Variants in ITGAE observed in about 807,000 individuals in gnomAD.
ITGAE encodes the protein integrin alpha-E.
In ITGAE, 99 loss-of-function variants were observed where a neutral mutation model predicts 136.5. The ratio of observed to expected loss-of-function variants is 0.73; its 90% confidence interval spans 0.62 to 0.86. ITGAE has a LOEUF of 0.86. Ranked by LOEUF, ITGAE falls within the 40% of genes least tolerant of loss-of-function variation. ITGAE has a pLI of 0.00. For synonymous variants in ITGAE, 613 were observed against 591.8 expected (o/e 1.04, Z -0.52); for missense variants, 1,447 against 1,515.3 (o/e 0.95, Z 0.75).
At position 3,757,157 on chromosome 17, in the gene ITGAE, C is replaced by T. The variant is rs113708893; in HGVS notation, c.1021-23G>A. ...CACCTGCACAGACAGCCTGGGTCAG[C>T]GAGTCAGCGCTGCGTGGATTCCCCA... On this transcript the variant is annotated intron_variant, in intron 9 of 30. Transcript: ENST00000263087. 9,157 of 1,610,558 alleles carry T rather than the reference C, an allele frequency of 5.7e-3. 59 individuals carry two copies. The highest frequency in any genetic ancestry group is 0.01 in the Middle Eastern group (63 of 6,036).
At chr17:3,753,611 T>C (rs947636348) in intron 13 of ITGAE, among the ~76,000 whole-genome samples, 172 bp downstream of exon 13, 3 of 152,158 alleles carry the variant, frequency 2.0e-5, no homozygotes, top group Non-Finnish European at 2.9e-5. Flanking sequence ...GGAAACTGCC[T>C]AGCAATCAGA....
At chr17:3,796,258 G>A (rs1400501052) in intron 1 of ITGAE, among the ~76,000 whole-genome samples, 1 of 151,736 alleles carries the variant, frequency 6.6e-6, no homozygotes, top group Non-Finnish European at 1.5e-5. Context: ...GGTCTGCCAG[G>A]CCTGGCTCAG....
Position 3,725,383 on chromosome 17 carries a change from A to T in ITGAE, c.3085-1639T>A, listed in dbSNP as rs144240100. On this transcript the variant is annotated intron_variant, in intron 26 of 30. Coordinates refer to ENST00000263087, the MANE Select transcript of ITGAE (RefSeq NM_002208.5). ...TTTAGCCATTGCCTTCCCACAGAAA[A>T]ACTGCAACGCTGTGAGAAGATTGGG... 164 of 1,614,238 alleles carry T rather than the reference A, an allele frequency of 1.0e-4. No homozygotes were observed. In the African/African-American group the frequency reaches 1.9e-3, roughly 19 times the overall value.
chr17:3,766,958 C>CGCCACAGCAAATGGCACCAGCA (rs2052314636), intron 2 of ITGAE, among the ~76,000 whole-genome samples: 1 of 151,952 alleles, frequency 6.6e-6, no homozygotes, highest in Non-Finnish European at 1.5e-5. Flanking sequence ...TCATCTTCCC[C>CGCCACAGCAAATGGCACCAGCA]GCCACAGCAA....
Position 3,761,991 on chromosome 17 carries a change from G to A in ITGAE, c.248-9C>T. 6.2e-7 allele frequency: 1 copy of A among 1,613,276 alleles called. No individual in the cohort carries two copies. Among genetic ancestry groups the A allele is most frequent in the Non-Finnish European group, 8.5e-7 (1 of 1,179,634 alleles). ...GGGGATGGGGACATGCTCTGAAAAA[G>A]TTAAGCCCAGGTGAGGAGGAGGAGG... On this transcript the variant is annotated splice_polypyrimidine_tract_variant and intron_variant, in intron 3 of 30. Transcript: ENST00000263087.
intron 12 of ITGAE, 112 bp downstream of exon 12, chr17:3,755,005 G>C (rs2051973612): frequency 1.8e-5 from 11 of 598,774 alleles, no homozygotes; most frequent in Non-Finnish European, 2.2e-5. Flanking sequence ...CCCTCGCCCA[G>C]GTAGGCCCCG....
chr17:3,776,428 TC>T (rs1203629004), intron 2 of ITGAE, among the ~76,000 whole-genome samples: 2 of 152,070 alleles, frequency 1.3e-5, no homozygotes, highest in Non-Finnish European at 2.9e-5. Context: ...AGTAGGTAGT[TC>T]CCCACGCTGA....
chr17:3,795,882 TGCATCCGTGTGTGTGCATCTGTGTATGC>T (rs1401249506), intron 1 of ITGAE, among the ~76,000 whole-genome samples: 3 of 149,974 alleles, frequency 2.0e-5, no homozygotes, highest in South Asian at 4.2e-4. Flanking sequence ...CGTGTGCGTG[TGCATCCGTGTGTGTGCATCTGTGTATGC>T]GCATCCGTGT....
intron 12 of ITGAE, 32 bp downstream of exon 12, chr17:3,755,085 G>A (rs1567535547): frequency 6.4e-7 from 1 of 1,564,774 alleles, no homozygotes; most frequent in East Asian, 2.4e-5. Context: ...TCATCAGGTG[G>A]CCCCGCCCTC....
At position 3,720,359 on chromosome 17, in the gene ITGAE, G is replaced by C. The variant is rs761720569; in HGVS notation, c.3281C>G (p.Ser1094Cys). ...TCCCTCATATAGAGATTTGTTGAAA[G>C]ATATTTCACCAAGGATCTGCAGTTC... ...VTELQILGEISFNKSLYEGLN... is the reference protein window; with the variant it reads ...VTELQILGEICFNKSLYEGLN... The change falls in exon 29 of 31, where the codon TCT (serine) becomes TGT (cysteine). Residue 1094 changes from serine to cysteine, a missense_variant. Ser to Cys is a moderately radical substitution (Grantham distance 112). Transcript: ENST00000263087. 1.3e-6 allele frequency: 2 copies of C among 1,587,766 alleles called. No individual in the cohort carries two copies. The highest frequency in any genetic ancestry group is 1.7e-6 in the Non-Finnish European group (2 of 1,156,006).
At chr17:3,777,717 C>A in intron 1 of ITGAE, 57 bp from the exon 2 acceptor site, 1 of 1,550,796 alleles carries the variant, frequency 6.4e-7, no homozygotes, top group Non-Finnish European at 8.7e-7. Flanking sequence ...GTTATTCCAG[C>A]AAATCCTGTG....
chr17:3,719,916 G>C (rs1222185822), intron 29 of ITGAE, among the ~76,000 whole-genome samples: 1 of 152,066 alleles, frequency 6.6e-6, no homozygotes, highest in African/African-American at 2.4e-5. Flanking sequence ...TTGGTAGACA[G>C]GGTTTCTCCA....
chr17:3,766,345 C>T (rs1416408866), intron 2 of ITGAE, among the ~76,000 whole-genome samples: 4 of 152,116 alleles, frequency 2.6e-5, no homozygotes, highest in Non-Finnish European at 5.9e-5. Flanking sequence ...GTGAAGCTTG[C>T]TATGCTGCAG....
intron 28 of ITGAE, among the ~76,000 whole-genome samples, chr17:3,722,654 A>T (rs1378428346): frequency 2.0e-5 from 3 of 152,214 alleles, no homozygotes; most frequent in Non-Finnish European, 4.4e-5. Flanking sequence ...TAACCCGATT[A>T]TAAAAGGGGC....
rs1398929884 is a variant in ITGAE, at chr17:3,723,285, C to T, written c.3237+3G>A. The T allele has an allele frequency of 6.3e-7, 1 of 1,599,594 alleles. No homozygotes were observed. The highest frequency in any genetic ancestry group is 8.6e-7 in the Non-Finnish European group (1 of 1,166,880). On this transcript the variant is annotated splice_donor_region_variant and intron_variant, in intron 28 of 30. Transcript: ENST00000263087. The stretch of plus-strand genomic sequence containing the variant: ...AAATCTGGAGCATTTCAGTCTCAAA[C>T]ACCTCCTCAGAGTGATCCCAGGAGA...
intron 29 of ITGAE, among the ~76,000 whole-genome samples, chr17:3,718,774 G>A (rs2050989060): frequency 6.6e-6 from 1 of 152,208 alleles, no homozygotes; most frequent in Admixed American, 6.5e-5. Flanking sequence ...CATGGGAAGG[G>A]AGAAATGAAG....
chr17:3,747,260 C>G (rs1001455852), intron 17 of ITGAE, among the ~76,000 whole-genome samples: 1 of 152,012 alleles, frequency 6.6e-6, no homozygotes, highest in Non-Finnish European at 1.5e-5. Flanking sequence ...GGGTGTGTCT[C>G]AGAAGCCCCC....
intron 6 of ITGAE, 45 bp downstream of exon 6, chr17:3,760,968 T>C (rs768624314): frequency 7.7e-6 from 12 of 1,566,554 alleles, no homozygotes; most frequent in Non-Finnish European, 1.0e-5. Flanking sequence ...AGCCTAGGAA[T>C]TGGCTCTGAT....
rs772373397 is a variant in ITGAE at position 3,750,436 on chromosome 17, A to G, written c.1940T>C (p.Met647Thr). The change falls in exon 16 of 31, where the codon ATG becomes ACG. Residue 647 changes from methionine (M) to threonine (T), a missense_variant. Met to Thr is a moderately conservative substitution (Grantham distance 81). Around this residue, in one of 3 missense-constraint regions of ITGAE, gnomAD observed 1,031 missense variants for 1,011.4 expected, o/e 1.02. Coordinates refer to ENST00000263087, the MANE Select transcript of ITGAE (RefSeq NM_002208.5). ...AATATCAAAGCCACCAGCCATGGAC[A>G]TGCCGAAGTACTGGAGTCCTGGGGC... ...TVAPGLQYFG[M>T]SMAGGFDISG... 3 of 1,614,224 alleles carry G rather than the reference A, an allele frequency of 1.9e-6. No individual in the cohort carries two copies. The South Asian group carries it at 3.3e-5, about 18-fold the overall frequency.
Sources: gnomAD v4.1 joint callset for allele counts (sites outside exome capture counted in the v4.1 genomes callset) on GRCh38, gnomAD v4.1.1 for gene constraint, gnomAD v4.1.1 regional missense constraint, MANE v1.5 for transcripts, NCBI Gene and HGNC (gene_info 2026-07-23, HGNC 2026-07-21) for gene names.